PREP: variants seen among roughly 807,000 people sequenced by gnomAD.
PREP encodes the protein prolyl endopeptidase, also known as dJ355L5.1 (prolyl endopeptidase).
In PREP, 29 loss-of-function variants were observed where a neutral mutation model predicts 87.6. The ratio of observed to expected loss-of-function variants is 0.33; its 90% CI spans 0.25 to 0.45. The LOEUF (loss-of-function observed/expected upper bound fraction) is 0.45. PREP is among the 20% of genes least tolerant of loss of function. PREP has a pLI of 1.00. For synonymous variants in PREP, 337 were observed against 328.6 expected (o/e 1.03, Z -0.28); for missense variants, 695 against 886.5 (o/e 0.78, Z 2.74).
intron 10 of PREP, 58 bp from the exon 11 acceptor site, chr6:105,288,952 T>G: frequency 6.6e-7 from 1 of 1,525,620 alleles, no homozygotes; most frequent in Non-Finnish European, 9.0e-7. Context: ...TACTGCGTGC[T>G]TTTAAATGGG....
chr6:105,284,418 G>A lies in PREP; in HGVS notation c.1549+1068C>T, dbSNP rs149520570. Among the ~76,000 whole-genome samples, 451 of 152,178 alleles carry A rather than the reference G, an allele frequency of 3.0e-3. 2 individuals carry two copies. The highest frequency in any genetic ancestry group is 9.3e-3 in the African/African-American group (388 of 41,514). On this transcript the variant is annotated intron_variant, in intron 12 of 14. Transcript: ENST00000652536. ...TTACAACAGGTTTACCCTCATGTTC[G>A]CTGATTTGATTTGATGCAAAAAAAA...
chr6:105,333,245 A>G (rs1156899411), intron 8 of PREP, 69 bp downstream of exon 8: 2 of 1,414,324 alleles, frequency 1.4e-6, no homozygotes, highest in East Asian at 4.6e-5. Context: ...AGAGAATGAG[A>G]GACGCACTAA....
chr6:105,394,184 C>T (rs1194649910), intron 2 of PREP, among the ~76,000 whole-genome samples: 1 of 152,064 alleles, frequency 6.6e-6, no homozygotes, highest in African/African-American at 2.4e-5. Context: ...TATAATTACC[C>T]TGATTGGTAT....
intron 7 of PREP, among the ~76,000 whole-genome samples, chr6:105,352,056 AAC>A (rs1771970769): frequency 6.6e-6 from 1 of 152,232 alleles, no homozygotes; most frequent in African/African-American, 2.4e-5. Context: ...ATCACAATGT[AAC>A]ACAGATTAGA....
At chr6:105,388,620 A>C (rs569510783) in intron 2 of PREP, among the ~76,000 whole-genome samples, 67 of 152,370 alleles carry the variant, frequency 4.4e-4, no homozygotes, top group Admixed American at 1.4e-3. Context: ...TTCACTTGTG[A>C]ATTTCTGAGA....
chr6:105,284,029 G>A (rs1472194122), intron 12 of PREP, among the ~76,000 whole-genome samples: 2 of 152,162 alleles, frequency 1.3e-5, no homozygotes, highest in South Asian at 2.1e-4. Flanking sequence ...TAGGAAATCA[G>A]GTGAGTCAAG....
intron 2 of PREP, among the ~76,000 whole-genome samples, chr6:105,382,941 C>A (rs1448833686): frequency 6.6e-6 from 1 of 152,164 alleles, no homozygotes; most frequent in Non-Finnish European, 1.5e-5. Context: ...GAGAAAGTGG[C>A]AAAAACCATA....
rs1419700312 is a variant in PREP at position 105,278,851 on chromosome 6, C to T, written c.1839-413G>A. Among the ~76,000 whole-genome samples, 1 of 152,152 alleles carries T rather than the reference C, an allele frequency of 6.6e-6. No homozygotes were observed. The highest frequency in any genetic ancestry group is 2.4e-5 in the African/African-American group (1 of 41,426). ...CTTTTGTTGAGAAACTTGAAATCCA[C>T]AGTATAAAGGGGCTTGCTGCCCCTT... On this transcript the variant is annotated intron_variant, in intron 14 of 14. Coordinates refer to ENST00000652536, the MANE Select transcript of PREP (RefSeq NM_002726.5). This position sits in a 1 kb window ranked among gnomAD's most constrained non-coding sequence, Gnocchi z 4.2.
chr6:105,348,032 C>A (rs4585599), intron 7 of PREP, among the ~76,000 whole-genome samples: 2 of 151,890 alleles, frequency 1.3e-5, no homozygotes. Context: ...TGGGCATGAA[C>A]CACATCAAGG....
At chr6:105,364,763 C>A (rs1161044838) in intron 6 of PREP, among the ~76,000 whole-genome samples, 2 of 152,212 alleles carry the variant, frequency 1.3e-5, no homozygotes, top group Admixed American at 6.5e-5. Flanking sequence ...AGGCCACAGA[C>A]CGAACTAGAA....
intron 2 of PREP, among the ~76,000 whole-genome samples, chr6:105,386,260 A>G (rs1249942232): frequency 6.6e-6 from 1 of 152,242 alleles, no homozygotes; most frequent in East Asian, 1.9e-4. Flanking sequence ...AGGTTCCAAC[A>G]TTGCTAAGGG....
chr6:105,322,611 T>C lies in PREP; in HGVS notation c.1317+1054A>G, dbSNP rs2793398. 8,184 of 987,856 alleles carry C rather than the reference T, an allele frequency of 8.3e-3. 373 individuals are homozygous for C. The African/African-American group carries it at 0.1, about 12-fold the overall frequency. The allele number at this position is 987,856 out of a possible 1,614,324, so 61.2% of individuals were successfully genotyped here. Reference sequence around the variant, plus strand: ...TAAATATTTCAGGCCTTCTGGGACATAGAGTTTCTGTTGCAACCACTCTAA... The same window carrying C: ...TAAATATTTCAGGCCTTCTGGGACACAGAGTTTCTGTTGCAACCACTCTAA... On this transcript the variant is annotated intron_variant, in intron 10 of 14. Coordinates refer to ENST00000652536, the MANE Select transcript of PREP (RefSeq NM_002726.5).
rs1380540852 is a variant in PREP, at chr6:105,275,361, C to T, written c.*2783G>A. 1.3e-5 allele frequency among the ~76,000 whole-genome samples: 2 copies of T among 152,162 alleles called. No individual in the cohort carries two copies. The highest frequency in any genetic ancestry group is 2.9e-5 in the Non-Finnish European group (2 of 68,034). ...AGCTTTAGTGGGAGTATTTAAGAAA[C>T]ATGATTAATTGGAAAGTTTTATAAT... On this transcript the variant is annotated 3_prime_UTR_variant, in exon 15 of 15. Transcript: ENST00000652536.
At chr6:105,338,337 A>G (rs1771532577) in intron 7 of PREP, among the ~76,000 whole-genome samples, 1 of 152,252 alleles carries the variant, frequency 6.6e-6, no homozygotes. Context: ...GGCAAAGCAC[A>G]GTAGAAATTT....
At chr6:105,381,701 T>C (rs1218801328) in intron 2 of PREP, among the ~76,000 whole-genome samples, 1 of 152,150 alleles carries the variant, frequency 6.6e-6, no homozygotes, top group Non-Finnish European at 1.5e-5. Context: ...TGCTCAAAAC[T>C]AAGAAATCTT....
At chr6:105,340,525 C>G (rs1327661086) in intron 7 of PREP, among the ~76,000 whole-genome samples, 1 of 152,154 alleles carries the variant, frequency 6.6e-6, no homozygotes, top group Non-Finnish European at 1.5e-5. Flanking sequence ...ATGACAGGAT[C>G]AAATCCACAC....
intron 7 of PREP, among the ~76,000 whole-genome samples, chr6:105,341,497 C>T (rs1771647798): frequency 6.6e-6 from 1 of 152,080 alleles, no homozygotes; most frequent in African/African-American, 2.4e-5. Context: ...CTAGAGCAAA[C>T]ACATTCAAAA....
At chr6:105,321,876 C>A (rs978164301) in intron 10 of PREP, among the ~76,000 whole-genome samples, 7 of 152,098 alleles carry the variant, frequency 4.6e-5, no homozygotes, top group Non-Finnish European at 8.8e-5. Context: ...TCTCGTGCAA[C>A]CCTACCCCGT....
chr6:105,295,308 C>A (rs573818152), intron 10 of PREP, among the ~76,000 whole-genome samples: 7 of 152,014 alleles, frequency 4.6e-5, no homozygotes, highest in African/African-American at 1.7e-4. Flanking sequence ...AAAGGAGGAT[C>A]GCCCTGTCTT....
Sources: gnomAD v4.1 joint callset for allele counts (sites outside exome capture counted in the v4.1 genomes callset) on GRCh38, gnomAD v4.1.1 for gene constraint, Gnocchi (gnomAD v3.1) non-coding constraint, MANE v1.5 for transcripts, NCBI Gene and HGNC (gene_info 2026-07-23, HGNC 2026-07-21) for gene names.